The following AGR3 variants were observed in gnomAD, a reference collection of about 807,000 sequenced individuals.
The protein encoded by AGR3 is anterior gradient 3, protein disulphide isomerase family member.
AGR3 carries 37 observed loss-of-function variants against 24.5 expected under a neutral mutation model. The ratio of observed to expected loss-of-function variants is 1.51; its 90% CI spans 1.16 to 1.99. AGR3 has a LOEUF of 1.99. Among genes scored for constraint, AGR3 ranks in the 30% most tolerant of loss-of-function variants. The probability of loss-of-function intolerance (pLI) is 0.00; values close to 1 mark genes in which losing one functional copy is unlikely to be tolerated. For missense variants in AGR3, 228 were observed against 191.1 expected, an observed-to-expected ratio of 1.19 and a Z score of -1.14; for synonymous variants, 75 against 61.6, an observed-to-expected ratio of 1.22 and a Z score of -1.02.
chr7:16,873,383 A>C (rs34071099), intron 3 of AGR3: 6,141 of 159,572 alleles, frequency 0.038, 438 homozygotes, highest in African/African-American at 0.14. Flanking sequence ...AGAGTAGCTT[A>C]AAAAAAAGTT....
chr7:16,862,372 T>G (rs1394247299), intron 4 of AGR3, among the ~76,000 whole-genome samples: 1 of 152,164 alleles, frequency 6.6e-6, no homozygotes, highest in African/African-American at 2.4e-5. Flanking sequence ...CCCCTTTCTT[T>G]TCATGGGAAG....
chr7:16,862,084 A>G (rs10242737), intron 4 of AGR3, 24 bp from the exon 5 acceptor site: 3 of 1,574,662 alleles, frequency 1.9e-6, no homozygotes, highest in African/African-American at 1.4e-5. Context: ...CAAAATTGCC[A>G]GTTAGTTTTA....
chr7:16,858,160 G>A (rs540490422), downstream of AGR3, among the ~76,000 whole-genome samples: 7 of 151,806 alleles, frequency 4.6e-5, no homozygotes, highest in South Asian at 4.2e-4. Context: ...GCTAATTTTC[G>A]TATTTTTAAT....
At chr7:16,865,596 G>T in intron 3 of AGR3, 2 of 727,044 alleles carry the variant, frequency 2.8e-6, no homozygotes, top group Non-Finnish European at 5.1e-6. Flanking sequence ...TTCATGTAAA[G>T]TATGAGAATC....
In AGR3 at chr7:16,860,504, G is replaced by A. The variant is rs1027382627; in HGVS notation, c.447C>T (p.Pro149=). The A allele has an allele frequency of 1.2e-6, 2 of 1,609,936 alleles. No individual in the cohort carries two copies. The highest frequency in any genetic ancestry group is 1.3e-5 in the African/African-American group (1 of 74,836). The change falls in exon 7 of 8, where the codon CCC becomes CCT. Residue 149 remains proline (P), a synonymous_variant. Coordinates refer to ENST00000310398, the MANE Select transcript of AGR3 (RefSeq NM_176813.5). The stretch of plus-strand genomic sequence containing the variant: ...AGATCATTTGTGAATACTTACATAG[G>A]GGTAAATCCCGAGGCTCATATGTGT... ...RLYTYEPRDL[P]LLIENMKKAL...
chr7:16,880,275 C>T (rs1398643555), intron 1 of AGR3, among the ~76,000 whole-genome samples: 1 of 151,472 alleles, frequency 6.6e-6, no homozygotes, highest in Non-Finnish European at 1.5e-5. Context: ...ATTCTCCTGC[C>T]TCAGCTTCCC....
Position 16,870,901 on chromosome 7 carries a change from T to C in AGR3, c.173+2879A>G, listed in dbSNP as rs112167701. ...TTGAAACAATAGTTAATTTGGAATC[T>C]TAATTTATCTTTAAAGAGTATTGCA... is the stretch of plus-strand genomic sequence containing the variant. On this transcript the variant is annotated intron_variant, in intron 3 of 7. Coordinates refer to ENST00000310398, the MANE Select transcript of AGR3 (RefSeq NM_176813.5). Among the ~76,000 whole-genome samples, 744 of 152,284 alleles carry C rather than the reference T, an allele frequency of 4.9e-3. 2 individuals carry two copies. The highest frequency in any genetic ancestry group is 0.017 in the African/African-American group (714 of 41,558).
At chr7:16,865,271 T>G in intron 3 of AGR3, 1 of 999,056 alleles carries the variant, frequency 1.0e-6, no homozygotes, top group Admixed American at 2.1e-5. Flanking sequence ...TGTTTTCTCC[T>G]TTTGAAGAAG....
chr7:16,868,460 GTCT>G (rs1781803254), intron 3 of AGR3, among the ~76,000 whole-genome samples: 2 of 152,080 alleles, frequency 1.3e-5, no homozygotes, highest in South Asian at 2.1e-4. Context: ...CAGCCTGTAT[GTCT>G]TCTTTTAAGA....
intron 1 of AGR3, among the ~76,000 whole-genome samples, chr7:16,880,367 G>T (rs1782086688): frequency 6.6e-6 from 1 of 151,680 alleles, no homozygotes; most frequent in Non-Finnish European, 1.5e-5. Context: ...CACCATGTTG[G>T]CCAGGCTGAT....
intron 3 of AGR3, among the ~76,000 whole-genome samples, chr7:16,871,724 C>A (rs755523475): frequency 6.6e-6 from 1 of 152,104 alleles, no homozygotes; most frequent in Non-Finnish European, 1.5e-5. Context: ...TGCCTATAAT[C>A]CCAGCTACTC....
rs540851970 is a variant in AGR3 at position 16,877,846 on chromosome 7, G to C, written c.109+664C>G. ...CCACTACACTCCAGCCTGGGTGACAGAGCAAGACTCCGTCTCAAAAAAAAA... is the reference window on the plus strand; with the variant it reads ...CCACTACACTCCAGCCTGGGTGACACAGCAAGACTCCGTCTCAAAAAAAAA... On this transcript the variant is annotated intron_variant, in intron 2 of 7. Coordinates refer to ENST00000310398, the MANE Select transcript of AGR3 (RefSeq NM_176813.5). Among the ~76,000 whole-genome samples, 12 of 137,390 alleles carry C rather than the reference G, an allele frequency of 8.7e-5. No individual in the cohort carries two copies. In the East Asian group the frequency reaches 2.5e-3, roughly 28 times the overall value. 90.1% of individuals were successfully genotyped at this position (137,390 alleles called of 152,430 possible). A position where few individuals can be genotyped will look rare whatever the true frequency, so the allele number is the denominator to read the frequency against.
At chr7:16,869,345 G>C (rs1403711087) in intron 3 of AGR3, among the ~76,000 whole-genome samples, 1 of 152,056 alleles carries the variant, frequency 6.6e-6, no homozygotes, top group Non-Finnish European at 1.5e-5. Flanking sequence ...TTTTATCTAA[G>C]TATAGCTACT....
chr7:16,865,714 C>T, intron 3 of AGR3: 3 of 771,034 alleles, frequency 3.9e-6, no homozygotes, highest in Non-Finnish European at 4.8e-6. Flanking sequence ...TTAGTAGAAA[C>T]TCTTTGCAAA....
intron 2 of AGR3, among the ~76,000 whole-genome samples, chr7:16,877,719 C>T (rs545707688): frequency 3.3e-5 from 5 of 151,926 alleles, no homozygotes; most frequent in Admixed American, 6.6e-5. Flanking sequence ...AAAAATTAGC[C>T]GGGCATGGTG....
intron 3 of AGR3, among the ~76,000 whole-genome samples, chr7:16,867,200 TA>T (rs1236809028): frequency 6.6e-6 from 1 of 152,164 alleles, no homozygotes; most frequent in Non-Finnish European, 1.5e-5. Flanking sequence ...TATTTTTGCA[TA>T]AATGTGAGAT....
chr7:16,878,318 T>C (rs1395611396), intron 2 of AGR3, among the ~76,000 whole-genome samples, 192 bp downstream of exon 2: 2 of 152,242 alleles, frequency 1.3e-5, no homozygotes, highest in African/African-American at 4.8e-5. Context: ...TATTGTTTGC[T>C]AGTTGATTTG....
chr7:16,864,530 C>T (rs1460123897), intron 3 of AGR3: 5 of 1,303,912 alleles, frequency 3.8e-6, no homozygotes, highest in South Asian at 2.4e-5. Context: ...TTCAGTCTTC[C>T]GAAGTGTTGC....
chr7:16,860,496 T>C lies in AGR3; in HGVS notation c.451+4A>G, dbSNP rs372754426. ...ACTGTTTGAGATCATTTGTGAATAC[T>C]TACATAGGGGTAAATCCCGAGGCTC... is the stretch of plus-strand genomic sequence containing the variant. On this transcript the variant is annotated splice_donor_region_variant and intron_variant, in intron 7 of 7. Transcript: ENST00000310398. 1.5e-4 allele frequency: 238 copies of C among 1,607,226 alleles called. No homozygotes were observed. The highest frequency in any genetic ancestry group is 2.0e-4 in the Non-Finnish European group (231 of 1,173,898).
Sources: allele counts gnomAD v4.1 joint callset (sites outside exome capture counted in the v4.1 genomes callset), GRCh38; gene constraint gnomAD v4.1.1; transcripts MANE v1.5; gene names NCBI Gene and HGNC (gene_info 2026-07-23, HGNC 2026-07-21).